Variants in OR1J2 observed in about 807,000 individuals in gnomAD.
OR1J2 encodes the protein olfactory receptor family 1 subfamily J member 2.
For missense variants in OR1J2, 304 were observed against 246.1 expected (o/e 1.24, Z -1.57); for synonymous variants, 142 against 99.7 (o/e 1.42, Z -2.52).
chr9:122,522,253 G>A, the OR1J2 span, among the ~76,000 whole-genome samples: 1 of 152,088 alleles, frequency 6.6e-6, no homozygotes, highest in Non-Finnish European at 1.5e-5. Flanking sequence ...TCTGAAAATT[G>A]GCAATTATGG....
the OR1J2 span, chr9:122,477,948 C>G: frequency 6.5e-7 from 1 of 1,539,154 alleles, no homozygotes; most frequent in South Asian, 1.2e-5. Flanking sequence ...CTGGAGGGCA[C>G]TAGGGAAATT....
the OR1J2 span, among the ~76,000 whole-genome samples, chr9:122,529,638 T>G: frequency 6.6e-6 from 1 of 152,222 alleles, no homozygotes; most frequent in Non-Finnish European, 1.5e-5. Context: ...CTAAAAGGGT[T>G]TCTCATCCTT....
the OR1J2 span, among the ~76,000 whole-genome samples, chr9:122,497,994 ATCT>A: frequency 2.6e-5 from 4 of 151,728 alleles, no homozygotes; most frequent in Non-Finnish European, 5.9e-5. Context: ...GCTTTGAGAA[ATCT>A]TCTTGGTATT....
the OR1J2 span, among the ~76,000 whole-genome samples, chr9:122,473,696 C>A: frequency 5.3e-5 from 8 of 151,804 alleles, no homozygotes; most frequent in African/African-American, 1.7e-4. Flanking sequence ...ACGGGACTGT[C>A]ATTGGACTAG....
chr9:122,468,134 G>A, the OR1J2 span, among the ~76,000 whole-genome samples: 2 of 152,186 alleles, frequency 1.3e-5, no homozygotes, highest in African/African-American at 4.8e-5. Flanking sequence ...TTCACAGGCA[G>A]CCTGTGAAAA....
At chr9:122,475,568 G>A in the OR1J2 span, 1 of 152,144 alleles carries the variant, frequency 6.6e-6, no homozygotes, top group Non-Finnish European at 1.5e-5. Context: ...CCAGCTCTCA[G>A]CTCTTTTTAG....
At chr9:122,491,640 A>G in the OR1J2 span, among the ~76,000 whole-genome samples, 1 of 152,174 alleles carries the variant, frequency 6.6e-6, no homozygotes, top group Non-Finnish European at 1.5e-5. Flanking sequence ...GGATTTAGTA[A>G]TAATGAGGAT....
upstream of OR1J2, among the ~76,000 whole-genome samples, chr9:122,509,615 G>A (rs1468909056): frequency 1.3e-5 from 2 of 152,152 alleles, no homozygotes; most frequent in South Asian, 2.1e-4. Context: ...TCTAAATGAC[G>A]TTAAATGGAA....
At chr9:122,567,411 T>C in the OR1J2 span, 1 of 610,568 alleles carries the variant, frequency 1.6e-6, no homozygotes, top group Non-Finnish European at 2.8e-6. Context: ...TCAATGGATG[T>C]AAGTGCCCAC....
chr9:122,526,389 A>G, the OR1J2 span: 1 of 1,507,446 alleles, frequency 6.6e-7, no homozygotes, highest in East Asian at 2.3e-5. Flanking sequence ...GTGACTGAAG[A>G]GCCTCTTTAG....
In OR1J2 at chr9:122,511,514, T is replaced by C. The variant is rs200719224; in HGVS notation, c.713T>C (p.Leu238Ser). The C allele has an allele frequency of 2.6e-6, 2 of 781,048 alleles. No homozygotes were observed. Among genetic ancestry groups the C allele is most frequent in the Non-Finnish European group, 4.8e-6 (2 of 418,138 alleles). The allele number at this position is 781,048 out of a possible 1,614,324, so 48.4% of individuals were successfully genotyped here. A position where few individuals can be genotyped will look rare whatever the true frequency, so the allele number is the denominator to read the frequency against. ...VPSTKGIHKA[L>S]STCGSHLSVV... ...TCAACCAAAGGGATCCACAAAGCAT[T>C]GTCCACATGTGGCTCCCATCTCTCT... Residue 238 changes from leucine to serine, a missense_variant, in exon 1 of 1, where the codon TTG (leucine) becomes TCG (serine). Physicochemically the swap from Leu to Ser is moderately radical, Grantham distance 145. Transcript: ENST00000335302.
At chr9:122,517,944 A>G in the OR1J2 span, among the ~76,000 whole-genome samples, 1 of 152,144 alleles carries the variant, frequency 6.6e-6, no homozygotes, top group Admixed American at 6.5e-5. Context: ...GCTCTCACTT[A>G]TAAGTGAGAA....
At chr9:122,572,257 G>A in the OR1J2 span, among the ~76,000 whole-genome samples, 2 of 152,174 alleles carry the variant, frequency 1.3e-5, no homozygotes, top group African/African-American at 4.8e-5. Context: ...ACATTTGGGC[G>A]GGGACACAGA....
At chr9:122,578,335 G>C in the OR1J2 span, 1 of 151,844 alleles carries the variant, frequency 6.6e-6, no homozygotes, top group Non-Finnish European at 1.5e-5. Context: ...TGTAATCCCA[G>C]ATACTCGGGA....
the OR1J2 span, among the ~76,000 whole-genome samples, chr9:122,521,876 A>G: frequency 0.019 from 2,896 of 152,262 alleles, 43 homozygotes; most frequent in Non-Finnish European, 0.03. Flanking sequence ...TTTATGTTTT[A>G]GCCACAGGCT....
the OR1J2 span, among the ~76,000 whole-genome samples, chr9:122,481,045 C>T: frequency 2.3e-4 from 35 of 152,094 alleles, no homozygotes; most frequent in Non-Finnish European, 4.7e-4. Flanking sequence ...CTGCCCGCCT[C>T]GGCCTCCCAA....
chr9:122,508,124 G>T (rs535777917), upstream of OR1J2, among the ~76,000 whole-genome samples: 3 of 148,324 alleles, frequency 2.0e-5, no homozygotes, highest in African/African-American at 5.0e-5. Context: ...GAGAGTGAGG[G>T]GGGGAGAGAG....
At chr9:122,524,478 C>T in the OR1J2 span, among the ~76,000 whole-genome samples, 8 of 152,182 alleles carry the variant, frequency 5.3e-5, no homozygotes, top group African/African-American at 1.9e-4. Context: ...CAGTGATAGG[C>T]AACAGTGTCC....
At chr9:122,501,513 C>T in the OR1J2 span, among the ~76,000 whole-genome samples, 3 of 152,180 alleles carry the variant, frequency 2.0e-5, no homozygotes, top group African/African-American at 7.2e-5. Flanking sequence ...CCAACAAGCA[C>T]ATGCTTATTC....
Sources: allele counts gnomAD v4.1 joint callset (sites outside exome capture counted in the v4.1 genomes callset), GRCh38; gene constraint gnomAD v4.1.1; transcripts MANE v1.5; gene names NCBI Gene and HGNC (gene_info 2026-07-23, HGNC 2026-07-21).